Variants in SHPRH observed in about 807,000 individuals in gnomAD.
SHPRH encodes E3 ubiquitin-protein ligase SHPRH.
In SHPRH, 106 loss-of-function variants were observed where a neutral mutation model predicts 202.5. The ratio of observed to expected loss-of-function variants is 0.52; its 90% CI spans 0.45 to 0.62. The LOEUF (loss-of-function observed/expected upper bound fraction) is 0.62. Ranked by LOEUF, SHPRH falls within the 20% of genes least tolerant of loss-of-function variation. The pLI is 0.00. For missense variants in SHPRH, 1,710 were observed against 2,020.0 expected, an observed-to-expected ratio of 0.85 and a Z score of 2.94; for synonymous variants, 729 against 686.0, an observed-to-expected ratio of 1.06 and a Z score of -0.98.
At chr6:145,925,481 A>C (rs1041718619) in intron 16 of SHPRH, among the ~76,000 whole-genome samples, 1 of 151,830 alleles carries the variant, frequency 6.6e-6, no homozygotes, top group African/African-American at 2.4e-5. Flanking sequence ...ATTTTTGTTA[A>C]TTAAAATAGT....
intron 9 of SHPRH, among the ~76,000 whole-genome samples, chr6:145,942,214 G>C (rs1349179578): frequency 6.6e-6 from 1 of 152,172 alleles, no homozygotes; most frequent in Non-Finnish European, 1.5e-5. Flanking sequence ...TATGTAGGTA[G>C]GAGGATGGAA....
At chr6:145,911,985 T>C (rs992986215) in intron 24 of SHPRH, among the ~76,000 whole-genome samples, 4 of 152,054 alleles carry the variant, frequency 2.6e-5, no homozygotes, top group Non-Finnish European at 1.5e-5. Context: ...GTACCTCTAG[T>C]GCCACTGGGG....
chr6:145,891,564 C>T (rs969373762), intron 28 of SHPRH, among the ~76,000 whole-genome samples: 1 of 152,142 alleles, frequency 6.6e-6, no homozygotes, highest in Non-Finnish European at 1.5e-5. Flanking sequence ...TCTCATGTTC[C>T]TAAAACAGTG....
chr6:145,914,648 T>C (rs1783791694), intron 23 of SHPRH, among the ~76,000 whole-genome samples: 1 of 152,164 alleles, frequency 6.6e-6, no homozygotes, highest in African/African-American at 2.4e-5. Context: ...AATTTTCCTC[T>C]AAGCACTGTC....
At chr6:145,860,852 T>C (rs955580754), downstream of SHPRH, among the ~76,000 whole-genome samples, 5 of 152,052 alleles carry the variant, frequency 3.3e-5, no homozygotes, top group Admixed American at 1.3e-4. Flanking sequence ...CACACATATA[T>C]TGCCAACTGA....
intron 25 of SHPRH, among the ~76,000 whole-genome samples, chr6:145,900,353 C>A (rs1311885606): frequency 6.6e-6 from 1 of 152,086 alleles, no homozygotes; most frequent in Non-Finnish European, 1.5e-5. Context: ...GGTGAGATAA[C>A]ATCTATGTAC....
At chr6:145,946,815 T>C (rs1787436142) in intron 6 of SHPRH, among the ~76,000 whole-genome samples, 1 of 151,910 alleles carries the variant, frequency 6.6e-6, no homozygotes, top group African/African-American at 2.4e-5. Flanking sequence ...AAAGATAACA[T>C]AATGCTAAAG....
chr6:145,922,164 T>A, intron 20 of SHPRH, 122 bp downstream of exon 20: 1 of 825,972 alleles, frequency 1.2e-6, no homozygotes, highest in Non-Finnish European at 1.8e-6. Flanking sequence ...TACTAATCAA[T>A]TTAATTAAAG....
chr6:145,913,011 C>A (rs749687672), intron 24 of SHPRH, among the ~76,000 whole-genome samples: 3 of 152,124 alleles, frequency 2.0e-5, no homozygotes, highest in Admixed American at 2.0e-4. Flanking sequence ...AAAATCACAT[C>A]TAAATTTCCC....
intron 2 of SHPRH, chr6:145,876,736 T>C (rs1426962149): frequency 6.6e-6 from 1 of 152,220 alleles, no homozygotes; most frequent in African/African-American, 2.4e-5. Flanking sequence ...TCCCAACCCC[T>C]AGTATCTCAG....
At chr6:145,905,169 T>A (rs538109784) in intron 25 of SHPRH, 1 of 152,264 alleles carries the variant, frequency 6.6e-6, no homozygotes, top group East Asian at 1.9e-4. Flanking sequence ...GTGAGCCACC[T>A]CTTCTTAGCC....
chr6:145,948,751 G>A (rs1787662456), intron 4 of SHPRH, among the ~76,000 whole-genome samples: 1 of 151,984 alleles, frequency 6.6e-6, no homozygotes, highest in South Asian at 2.1e-4. Flanking sequence ...ACATATGCTA[G>A]GTGGCTAAAT....
intron 28 of SHPRH, among the ~76,000 whole-genome samples, chr6:145,888,689 C>T (rs1432773324): frequency 1.3e-5 from 2 of 152,134 alleles, no homozygotes; most frequent in Non-Finnish European, 2.9e-5. Context: ...CCTGACTGTA[C>T]TTTAGAAATC....
chr6:145,872,410 C>A (rs1367795023), intron 2 of SHPRH, among the ~76,000 whole-genome samples: 8 of 152,112 alleles, frequency 5.3e-5, no homozygotes, highest in Non-Finnish European at 1.2e-4. Context: ...CAAAAGAAGA[C>A]ATACATGTGG....
intron 23 of SHPRH, among the ~76,000 whole-genome samples, chr6:145,914,329 G>A (rs1055350884): frequency 3.9e-5 from 6 of 152,142 alleles, no homozygotes; most frequent in Non-Finnish European, 5.9e-5. Context: ...ACAAGAATGG[G>A]AGGGTCATTG....
At chr6:145,910,140 GACCTCTGTCTACTTGTGGTGGATAGAA>G (rs1336303754) in intron 25 of SHPRH, 8 of 223,342 alleles carry the variant, frequency 3.6e-5, no homozygotes, top group Admixed American at 5.3e-5. Context: ...AATGTAACCA[GACCTCTGTCTACTTGTGGTGGATAGAA>G]ATATTATAGA....
chr6:145,861,580 A>C (rs1317827295), downstream of SHPRH, among the ~76,000 whole-genome samples: 1 of 152,210 alleles, frequency 6.6e-6, no homozygotes, highest in Non-Finnish European at 1.5e-5. Context: ...TTGATCCAGC[A>C]ATCCCACTTC....
chr6:145,958,410 GATAAATT>G (rs1788726948), intron 1 of SHPRH, among the ~76,000 whole-genome samples: 2 of 152,064 alleles, frequency 1.3e-5, no homozygotes, highest in African/African-American at 4.8e-5. Context: ...TAGATAAAAT[GATAAATT>G]ATAAAGTGAT....
At chr6:145,892,544 T>C (rs1781656596) in intron 28 of SHPRH, among the ~76,000 whole-genome samples, 1 of 152,062 alleles carries the variant, frequency 6.6e-6, no homozygotes, top group Non-Finnish European at 1.5e-5. Context: ...ATTTAGTAAG[T>C]GCTTATTATG....
Sources: allele counts gnomAD v4.1 joint callset (sites outside exome capture counted in the v4.1 genomes callset), GRCh38; gene constraint gnomAD v4.1.1; transcripts MANE v1.5; gene names NCBI Gene and HGNC (gene_info 2026-07-23, HGNC 2026-07-21).